Variants in VWC2L observed in about 807,000 individuals in gnomAD.
VWC2L encodes the protein von Willebrand factor C domain-containing protein 2-like.
VWC2L carries 10 observed loss-of-function variants against 21.6 expected under a neutral mutation model. The ratio of observed to expected loss-of-function variants is 0.46; its 90% CI spans 0.29 to 0.78. The LOEUF is 0.78. VWC2L is among the 30% of genes least tolerant of loss of function. The pLI, the probability that VWC2L is intolerant of heterozygous loss-of-function variation, is 0.10. For synonymous variants in VWC2L, 96 were observed against 94.3 expected (o/e 1.02, Z -0.10); for missense variants, 209 against 277.1 (o/e 0.75, Z 1.74).
chr2:214,459,268 T>C (rs901867859), intron 3 of VWC2L, among the ~76,000 whole-genome samples: 17 of 152,212 alleles, frequency 1.1e-4, no homozygotes, highest in Admixed American at 5.9e-4. Flanking sequence ...TGGAATGACT[T>C]CTTCCATCCT....
At chr2:214,467,372 C>T (rs956672768) in intron 3 of VWC2L, among the ~76,000 whole-genome samples, 1 of 138,854 alleles carries the variant, frequency 7.2e-6, no homozygotes, top group Non-Finnish European at 1.5e-5. Flanking sequence ...ACTCAAGCTG[C>T]CTTGGTCTTT....
intron 3 of VWC2L, among the ~76,000 whole-genome samples, chr2:214,569,790 C>T (rs755680167): frequency 2.6e-5 from 4 of 152,184 alleles, no homozygotes; most frequent in Non-Finnish European, 1.5e-5. Context: ...TTCCACAGCT[C>T]TGTGATCCTC....
chr2:214,473,501 G>A (rs1703340076), intron 3 of VWC2L, among the ~76,000 whole-genome samples: 2 of 152,122 alleles, frequency 1.3e-5, no homozygotes, highest in South Asian at 4.1e-4. Context: ...TACTCATCAA[G>A]CCTAAGTGAG....
chr2:214,547,404 G>C (rs374627272), intron 3 of VWC2L, among the ~76,000 whole-genome samples: 1 of 152,086 alleles, frequency 6.6e-6, no homozygotes, highest in Admixed American at 6.6e-5. Context: ...GAGAATGTTC[G>C]ACATATAATT....
intron 3 of VWC2L, among the ~76,000 whole-genome samples, chr2:214,490,134 G>A (rs1373324225): frequency 6.6e-6 from 1 of 152,132 alleles, no homozygotes; most frequent in Non-Finnish European, 1.5e-5. Flanking sequence ...TTTGGGAATG[G>A]ATCAGTTGGA....
chr2:214,543,768 C>A (rs1689663490), intron 3 of VWC2L, among the ~76,000 whole-genome samples: 1 of 152,092 alleles, frequency 6.6e-6, no homozygotes, highest in Non-Finnish European at 1.5e-5. Flanking sequence ...CAAAGCCAAA[C>A]TGGTTTGGTT....
intron 3 of VWC2L, among the ~76,000 whole-genome samples, chr2:214,441,873 T>C (rs1040204345): frequency 3.3e-5 from 5 of 151,450 alleles, no homozygotes; most frequent in African/African-American, 1.2e-4. Flanking sequence ...AAATAAAATA[T>C]GTATCTTATA....
intron 2 of VWC2L, among the ~76,000 whole-genome samples, chr2:214,432,406 G>T (rs991796106): frequency 1.5e-4 from 23 of 152,170 alleles, no homozygotes; most frequent in Admixed American, 1.5e-3. Flanking sequence ...AGAAGATGAA[G>T]GGGCTGGAAG....
Position 214,423,493 on chromosome 2 carries a change from C to T in VWC2L, c.390+8910C>T, listed in dbSNP as rs191907404. ...ACCTTCAGGTTTAACAGAAAAATAC[C>T]AGCTCATTTGCATCTTCTTTTCCAA... is the stretch of plus-strand genomic sequence containing the variant. On this transcript the variant is annotated intron_variant, in intron 2 of 3. Transcript: ENST00000312504. Among the ~76,000 whole-genome samples, 265 of 152,110 alleles carry T rather than the reference C, an allele frequency of 1.7e-3. 1 individual carries two copies. Among genetic ancestry groups the T allele is most frequent in the African/African-American group, 6.1e-3 (253 of 41,516 alleles).
chr2:214,566,997 G>C (rs924160073), intron 3 of VWC2L, among the ~76,000 whole-genome samples: 3 of 152,138 alleles, frequency 2.0e-5, no homozygotes, highest in African/African-American at 7.2e-5. Flanking sequence ...ACTATTAGCT[G>C]AAACAATGAT....
intron 3 of VWC2L, among the ~76,000 whole-genome samples, chr2:214,540,394 C>T (rs1040552810): frequency 8.5e-5 from 13 of 152,176 alleles, no homozygotes; most frequent in African/African-American, 2.6e-4. Flanking sequence ...TAGCAAATTC[C>T]GAAGCAAGAA....
At chr2:214,498,900 G>A (rs1361435474) in intron 3 of VWC2L, among the ~76,000 whole-genome samples, 4 of 149,910 alleles carry the variant, frequency 2.7e-5, no homozygotes, top group African/African-American at 9.8e-5. Context: ...TTATCAAGAA[G>A]ACATAGAGCA....
At chr2:214,540,381 A>C (rs947941389) in intron 3 of VWC2L, among the ~76,000 whole-genome samples, 1 of 152,206 alleles carries the variant, frequency 6.6e-6, no homozygotes, top group African/African-American at 2.4e-5. Flanking sequence ...AAGGTTCTGC[A>C]GATAGCAAAT....
chr2:214,417,182 G>A (rs1056244798), intron 2 of VWC2L, among the ~76,000 whole-genome samples: 2 of 152,072 alleles, frequency 1.3e-5, no homozygotes, highest in Admixed American at 6.6e-5. Flanking sequence ...CAATTAGGGA[G>A]GTTGTATTAT....
chr2:214,436,789 G>C (rs1702685268), intron 3 of VWC2L, 31 bp downstream of exon 3: 29 of 1,611,354 alleles, frequency 1.8e-5, no homozygotes, highest in Non-Finnish European at 2.5e-5. Flanking sequence ...CTTTTGAAGA[G>C]GGGTTCGCAC....
intron 3 of VWC2L, among the ~76,000 whole-genome samples, chr2:214,544,926 G>T (rs1489273669): frequency 6.6e-6 from 1 of 152,088 alleles, no homozygotes; most frequent in Admixed American, 6.6e-5. Flanking sequence ...CAAAAACTAA[G>T]ATTTGAATGA....
chr2:214,413,495 T>C (rs1390715275), intron 1 of VWC2L, among the ~76,000 whole-genome samples: 2 of 152,164 alleles, frequency 1.3e-5, no homozygotes, highest in African/African-American at 4.8e-5. Context: ...TTGTTTTTGT[T>C]ATCAACTTTA....
intron 3 of VWC2L, among the ~76,000 whole-genome samples, chr2:214,520,949 T>C (rs1158407086): frequency 2.0e-5 from 3 of 151,964 alleles, no homozygotes; most frequent in African/African-American, 7.3e-5. Context: ...TTGGACTGGG[T>C]GCAGTGGCTC....
intron 3 of VWC2L, among the ~76,000 whole-genome samples, chr2:214,563,364 G>A (rs1006578085): frequency 1.8e-4 from 27 of 151,784 alleles, no homozygotes; most frequent in African/African-American, 5.3e-4. Flanking sequence ...TGGCTAACAC[G>A]GTGAAACCCC....
Sources: gnomAD v4.1 joint callset for allele counts (sites outside exome capture counted in the v4.1 genomes callset) on GRCh38, gnomAD v4.1.1 for gene constraint, MANE v1.5 for transcripts, NCBI Gene and HGNC (gene_info 2026-07-23, HGNC 2026-07-21) for gene names.